Variants in PIAS1 observed in about 807,000 individuals in gnomAD.
The protein encoded by PIAS1 is E3 SUMO-protein ligase PIAS1.
A neutral mutation model predicts 71.3 loss-of-function variants in PIAS1; 6 were observed. The observed-to-expected ratio is 0.08, with a 90% CI of 0.05 to 0.17. The LOEUF (loss-of-function observed/expected upper bound fraction) is 0.17. PIAS1 is among the 10% of genes least tolerant of loss of function. The probability of loss-of-function intolerance (pLI) is 1.00; values close to 1 mark genes in which losing one functional copy is unlikely to be tolerated. For missense variants in PIAS1, 555 were observed against 793.6 expected (o/e 0.70, Z 3.61); for synonymous variants, 303 against 292.9 (o/e 1.03, Z -0.35).
chr15:68,104,851 A>T (rs575462402), intron 2 of PIAS1, among the ~76,000 whole-genome samples: 5 of 152,188 alleles, frequency 3.3e-5, no homozygotes, highest in South Asian at 2.1e-4. Context: ...TCTCTGACAG[A>T]AGAAGCATTT....
intron 1 of PIAS1, among the ~76,000 whole-genome samples, chr15:68,069,341 C>A (rs748499112): frequency 2.0e-5 from 3 of 152,134 alleles, no homozygotes; most frequent in Non-Finnish European, 4.4e-5. Flanking sequence ...CTTACGCTCC[C>A]CTCCTCCTTC....
chr15:68,169,805 A>G (rs1479529777), intron 8 of PIAS1, among the ~76,000 whole-genome samples: 2 of 152,162 alleles, frequency 1.3e-5, no homozygotes. Context: ...AAAAGTTACT[A>G]TGTGTCAGGT....
rs549258198 is a variant in PIAS1 at position 68,103,518 on chromosome 15, A to C, written c.469+16768A>C. Among the ~76,000 whole-genome samples, 4 of 152,112 alleles carry C rather than the reference A, an allele frequency of 2.6e-5. No homozygotes were observed. The East Asian group carries it at 7.7e-4, about 29-fold the overall frequency. ...AAGTGTACAATTCATTGGTTTTACT[A>C]TATCCACAGAGTTGTGCAGCCACCA... On this transcript the variant is annotated intron_variant, in intron 2 of 13. Coordinates refer to ENST00000249636, the MANE Select transcript of PIAS1 (RefSeq NM_016166.3).
At position 68,153,773 on chromosome 15, in the gene PIAS1, T is replaced by G. The variant is rs1468440885; in HGVS notation, c.934+78T>G. The G allele has an allele frequency of 3.9e-5, 30 of 759,544 alleles. No homozygotes were observed. In the Admixed American group the frequency reaches 6.9e-4, roughly 17 times the overall value. The allele number at this position is 759,544 out of a possible 1,614,324, so 47.1% of individuals were successfully genotyped here. ...GTAGTATTTTCTCAACTCAAGAAAT[T>G]TTAGAATTTGTTTATTCACTGGAGC... is the stretch of plus-strand genomic sequence containing the variant. On this transcript the variant is annotated intron_variant, in intron 7 of 13. Coordinates refer to ENST00000249636, the MANE Select transcript of PIAS1 (RefSeq NM_016166.3).
intron 1 of PIAS1, among the ~76,000 whole-genome samples, chr15:68,070,636 T>C (rs1332952103): frequency 6.6e-6 from 1 of 152,198 alleles, no homozygotes; most frequent in African/African-American, 2.4e-5. Flanking sequence ...TAAGATTTGC[T>C]GTAAGTGTAA....
intron 1 of PIAS1, among the ~76,000 whole-genome samples, chr15:68,071,469 C>A (rs1353124256): frequency 6.6e-6 from 1 of 151,096 alleles, no homozygotes; most frequent in East Asian, 2.0e-4. Flanking sequence ...CCTGCCTCGG[C>A]CTCCCAAAGT....
At chr15:68,169,589 C>G (rs1006905908) in intron 8 of PIAS1, among the ~76,000 whole-genome samples, 6 of 152,114 alleles carry the variant, frequency 3.9e-5, no homozygotes, top group Non-Finnish European at 8.8e-5. Flanking sequence ...AGGAGAATTG[C>G]TTGTGAGACT....
At chr15:68,123,250 T>C (rs192813605) in intron 2 of PIAS1, among the ~76,000 whole-genome samples, 15 of 152,112 alleles carry the variant, frequency 9.9e-5, no homozygotes, top group Admixed American at 3.9e-4. Flanking sequence ...GAGTGTCTTG[T>C]AGTGTTACTC....
intron 2 of PIAS1, among the ~76,000 whole-genome samples, chr15:68,092,175 T>A: frequency 6.6e-6 from 1 of 152,138 alleles, no homozygotes; most frequent in East Asian, 1.9e-4. Flanking sequence ...TGTTACTTAT[T>A]TTTTTTCTTT....
rs956703868 is a variant in PIAS1, at chr15:68,181,630, G to C, written c.1624+276G>C. The C allele has an allele frequency of 4.5e-5, 13 of 289,008 alleles. No homozygotes were observed. In the Admixed American group the frequency reaches 5.5e-4, roughly 12 times the overall value. The allele number at this position is 289,008 out of a possible 1,614,324, so 17.9% of individuals were successfully genotyped here. A position where few individuals can be genotyped will look rare whatever the true frequency, so the allele number is the denominator to read the frequency against. ...CCTGAGTACTCTGCAAATTGTTTTT[G>C]AATGACTGCTAGTATGTGGGTTTGA... On this transcript the variant is annotated intron_variant, in intron 12 of 13. Coordinates refer to ENST00000249636, the MANE Select transcript of PIAS1 (RefSeq NM_016166.3).
chr15:68,123,780 G>A (rs1380357381), intron 2 of PIAS1, among the ~76,000 whole-genome samples: 1 of 152,018 alleles, frequency 6.6e-6, no homozygotes, highest in Non-Finnish European at 1.5e-5. Flanking sequence ...ATTTATAAAA[G>A]GAAACTTGTA....
intron 2 of PIAS1, among the ~76,000 whole-genome samples, chr15:68,091,068 T>G (rs1281826897): frequency 6.6e-6 from 1 of 152,000 alleles, no homozygotes; most frequent in Non-Finnish European, 1.5e-5. Flanking sequence ...AATTTTAATC[T>G]TGATAGGATG....
At chr15:68,130,204 G>A (rs1326528976) in intron 2 of PIAS1, among the ~76,000 whole-genome samples, 2 of 151,472 alleles carry the variant, frequency 1.3e-5, no homozygotes, top group African/African-American at 4.8e-5. Flanking sequence ...GAAAAAAGGT[G>A]GAATTAATAA....
At chr15:68,102,690 G>GT (rs952388857) in intron 2 of PIAS1, among the ~76,000 whole-genome samples, 37 of 152,010 alleles carry the variant, frequency 2.4e-4, no homozygotes, top group African/African-American at 8.4e-4. Context: ...TAAATATTTT[G>GT]TTTTTTTCTG....
chr15:68,124,405 T>TG (rs2092635209), intron 2 of PIAS1, among the ~76,000 whole-genome samples: 1 of 113,832 alleles, frequency 8.8e-6, no homozygotes, highest in Admixed American at 8.5e-5. Context: ...TGTTGTTTTT[T>TG]GTTTTTTTTT....
intron 1 of PIAS1, chr15:68,057,607 G>T: frequency 3.1e-6 from 1 of 324,454 alleles, no homozygotes; most frequent in Non-Finnish European, 6.0e-6. Context: ...GTTATTTTCT[G>T]CCTCTTTATT....
At chr15:68,149,882 C>G (rs1056822929) in intron 6 of PIAS1, among the ~76,000 whole-genome samples, 10 of 152,196 alleles carry the variant, frequency 6.6e-5, no homozygotes, top group African/African-American at 2.2e-4. Context: ...AATGCAGGCA[C>G]TAGTGGACAT....
At chr15:68,077,913 CT>C (rs1211110033) in intron 1 of PIAS1, among the ~76,000 whole-genome samples, 3 of 152,162 alleles carry the variant, frequency 2.0e-5, no homozygotes, top group African/African-American at 7.2e-5. Context: ...AATTTAGACT[CT>C]TTAGTTTAGA....
At chr15:68,080,973 A>G (rs1384540520) in intron 1 of PIAS1, among the ~76,000 whole-genome samples, 3 of 151,760 alleles carry the variant, frequency 2.0e-5, no homozygotes, top group African/African-American at 7.3e-5. Context: ...CAGTGTAGAT[A>G]TAACCTTCAA....
Sources: allele counts gnomAD v4.1 joint callset (sites outside exome capture counted in the v4.1 genomes callset), GRCh38; gene constraint gnomAD v4.1.1; transcripts MANE v1.5; gene names NCBI Gene and HGNC (gene_info 2026-07-23, HGNC 2026-07-21).